TACR3: variants seen among roughly 807,000 people sequenced by gnomAD.
The protein encoded by TACR3 is neuromedin-K receptor.
In TACR3, 34 loss-of-function variants were observed where a neutral mutation model predicts 35.0. The observed-to-expected ratio is 0.97, with a 90% CI of 0.74 to 1.30. The LOEUF is 1.30. TACR3 is among the 50% of genes most tolerant of loss of function. The pLI is 0.00. For synonymous variants in TACR3, 233 were observed against 221.1 expected, an observed-to-expected ratio of 1.05 and a Z score of -0.48; for missense variants, 558 against 591.7, an observed-to-expected ratio of 0.94 and a Z score of 0.59.
intron 1 of TACR3, among the ~76,000 whole-genome samples, chr4:103,708,065 A>G (rs1722839828): frequency 6.6e-6 from 1 of 152,136 alleles, no homozygotes; most frequent in African/African-American, 2.4e-5. Flanking sequence ...TGTAGACTCC[A>G]CCTCTGGGGG....
chr4:103,717,062 A>C (rs923546745), intron 1 of TACR3, among the ~76,000 whole-genome samples: 1 of 152,214 alleles, frequency 6.6e-6, no homozygotes, highest in Non-Finnish European at 1.5e-5. Context: ...AAAATGACTG[A>C]AAACAGCACA....
At chr4:103,617,246 A>AGTT (rs1724679738) in intron 3 of TACR3, among the ~76,000 whole-genome samples, 1 of 151,798 alleles carries the variant, frequency 6.6e-6, no homozygotes, top group Non-Finnish European at 1.5e-5. Flanking sequence ...TCTACAGAAA[A>AGTT]AGTTAGTTAT....
intron 3 of TACR3, among the ~76,000 whole-genome samples, chr4:103,605,612 T>C (rs990309327): frequency 1.3e-5 from 2 of 152,090 alleles, no homozygotes; most frequent in Non-Finnish European, 2.9e-5. Flanking sequence ...GTTTTTTGGC[T>C]GCATAAATGT....
intron 1 of TACR3, among the ~76,000 whole-genome samples, chr4:103,681,851 T>C (rs1470413074): frequency 6.6e-6 from 1 of 152,048 alleles, no homozygotes; most frequent in Non-Finnish European, 1.5e-5. Flanking sequence ...ATGACCCATA[T>C]TCTAGAATAG....
At chr4:103,680,901 A>G (rs1722054866) in intron 1 of TACR3, among the ~76,000 whole-genome samples, 1 of 151,926 alleles carries the variant, frequency 6.6e-6, no homozygotes, top group South Asian at 2.1e-4. Flanking sequence ...TGATAACAGC[A>G]TTCACATTTT....
chr4:103,669,606 A>G (rs1044364467), intron 1 of TACR3, among the ~76,000 whole-genome samples: 5 of 151,970 alleles, frequency 3.3e-5, no homozygotes, highest in African/African-American at 7.2e-5. Flanking sequence ...GATTCTGAGC[A>G]TTTTTTTAAT....
chr4:103,698,475 A>G (rs1175533105), intron 1 of TACR3, among the ~76,000 whole-genome samples: 1 of 152,096 alleles, frequency 6.6e-6, no homozygotes, highest in Non-Finnish European at 1.5e-5. Context: ...GAGATTATAT[A>G]GAGTATTTAT....
At chr4:103,665,154 A>C (rs1050474496) in intron 1 of TACR3, among the ~76,000 whole-genome samples, 1 of 151,960 alleles carries the variant, frequency 6.6e-6, no homozygotes, top group Non-Finnish European at 1.5e-5. Flanking sequence ...TGAATCATTT[A>C]GATGATTATA....
intron 3 of TACR3, among the ~76,000 whole-genome samples, chr4:103,602,360 T>G (rs187922730): frequency 6.6e-6 from 1 of 152,050 alleles, no homozygotes; most frequent in Non-Finnish European, 1.5e-5. Flanking sequence ...GTAGTTTGAT[T>G]GTCTGAAGCC....
chr4:103,619,199 A>ATT (rs557593771), intron 3 of TACR3, among the ~76,000 whole-genome samples: 1 of 147,972 alleles, frequency 6.8e-6, no homozygotes, highest in African/African-American at 2.5e-5. Context: ...GTGACTTCCT[A>ATT]TTTTTTTTTT....
At chr4:103,606,511 T>C (rs2110294655) in intron 3 of TACR3, among the ~76,000 whole-genome samples, 1 of 152,308 alleles carries the variant, frequency 6.6e-6, no homozygotes, top group East Asian at 1.9e-4. Context: ...TGAGCAGTGG[T>C]TTGTAGTTCT....
intron 3 of TACR3, among the ~76,000 whole-genome samples, chr4:103,628,303 A>G (rs1269560925): frequency 6.6e-6 from 1 of 152,202 alleles, no homozygotes; most frequent in African/African-American, 2.4e-5. Context: ...ATCAGAGCAG[A>G]CCTGAAGGAG....
At chr4:103,628,657 A>T (rs1400583981) in intron 3 of TACR3, among the ~76,000 whole-genome samples, 1 of 151,996 alleles carries the variant, frequency 6.6e-6, no homozygotes, top group African/African-American at 2.4e-5. Context: ...GCAATAATTA[A>T]TAGCCCACCA....
chr4:103,684,863 A>T (rs954871899), intron 1 of TACR3, among the ~76,000 whole-genome samples: 1 of 151,888 alleles, frequency 6.6e-6, no homozygotes. Flanking sequence ...AAATTAGCCT[A>T]GTGTGTTGGT....
In TACR3 at chr4:103,658,279, T is replaced by C; in HGVS notation, c.673A>G (p.Lys225Glu). The stretch of plus-strand genomic sequence containing the variant: ...CAGAGAGTACGGCCTGGCATGACTT[T>C]GGTTTTGGAATAAAGACACTGAGGG... ...AFPQCLYSKT[K>E]VMPGRTLCFV... Residue 225 changes from lysine (K) to glutamate (E), a missense_variant, in exon 2 of 5, where the codon AAA becomes GAA. By Grantham distance (56) the Lys-to-Glu change is moderately conservative (BLOSUM62 1). Coordinates refer to ENST00000304883, the MANE Select transcript of TACR3 (RefSeq NM_001059.3). The C allele has an allele frequency of 6.2e-7, 1 of 1,613,978 alleles. No individual in the cohort carries two copies. Among genetic ancestry groups the C allele is most frequent in the Non-Finnish European group, 8.5e-7 (1 of 1,179,930 alleles).
intron 3 of TACR3, among the ~76,000 whole-genome samples, chr4:103,630,702 G>C (rs567393530): frequency 7.7e-4 from 118 of 152,278 alleles, no homozygotes; most frequent in African/African-American, 2.6e-3. Context: ...AGGAGATGTG[G>C]AGAAATGGGA....
chr4:103,703,206 T>G (rs1341328508), intron 1 of TACR3, among the ~76,000 whole-genome samples: 1 of 152,192 alleles, frequency 6.6e-6, no homozygotes, highest in Non-Finnish European at 1.5e-5. Context: ...TTAATTAATT[T>G]TGTTTTTAAA....
Position 103,712,695 on chromosome 4 carries a change from G to A in TACR3, c.548+6433C>T, listed in dbSNP as rs1240563346. 2.0e-5 allele frequency among the ~76,000 whole-genome samples: 3 copies of A among 152,116 alleles called. No homozygotes were observed. In the East Asian group the frequency reaches 5.8e-4, roughly 29 times the overall value. On this transcript the variant is annotated intron_variant, in intron 1 of 4. Transcript: ENST00000304883. The stretch of plus-strand genomic sequence containing the variant: ...CATCAGAGTGAACAGGCAACCCACA[G>A]AATGGGAGAAAATTTTTGCAATCTA...
chr4:103,661,308 G>A (rs1008632274), intron 1 of TACR3, among the ~76,000 whole-genome samples: 3 of 152,064 alleles, frequency 2.0e-5, no homozygotes, highest in African/African-American at 4.8e-5. Flanking sequence ...GGAATTATAT[G>A]TGGGCATTTC....
Sources: gnomAD v4.1 joint callset for allele counts (sites outside exome capture counted in the v4.1 genomes callset) on GRCh38, gnomAD v4.1.1 for gene constraint, MANE v1.5 for transcripts, NCBI Gene and HGNC (gene_info 2026-07-23, HGNC 2026-07-21) for gene names.